Variants in ZNF385D observed in about 807,000 individuals in gnomAD.
ZNF385D encodes zinc finger protein 659.
ZNF385D carries 15 observed loss-of-function variants against 35.8 expected under a neutral mutation model. The observed-to-expected ratio is 0.42, with a 90% CI of 0.28 to 0.64. The LOEUF (loss-of-function observed/expected upper bound fraction) is 0.64. Ranked by LOEUF, ZNF385D falls within the 30% of genes least tolerant of loss-of-function variation. ZNF385D has a pLI of 0.23. For missense variants in ZNF385D, 474 were observed against 494.6 expected (o/e 0.96, Z 0.39); for synonymous variants, 212 against 186.8 (o/e 1.13, Z -1.10).
intron 3 of ZNF385D, among the ~76,000 whole-genome samples, chr3:21,919,282 G>A (rs1700340351): frequency 6.6e-6 from 1 of 152,150 alleles, no homozygotes; most frequent in Non-Finnish European, 1.5e-5. Context: ...TAAAATACAT[G>A]TTGCCTGGCA....
At chr3:22,260,897 A>G (rs1029618600) in intron 2 of ZNF385D, among the ~76,000 whole-genome samples, 4 of 152,052 alleles carry the variant, frequency 2.6e-5, no homozygotes, top group East Asian at 1.9e-4. Context: ...TAGTAGAACA[A>G]TAAGTTTAAT....
chr3:21,725,981 G>T (rs748363961), intron 1 of ZNF385D, among the ~76,000 whole-genome samples: 1 of 152,070 alleles, frequency 6.6e-6, no homozygotes, highest in Non-Finnish European at 1.5e-5. Flanking sequence ...TATCCACTAC[G>T]ATCAAGTCGG....
intron 2 of ZNF385D, among the ~76,000 whole-genome samples, chr3:21,582,882 A>G (rs1328030508): frequency 6.6e-6 from 1 of 151,966 alleles, no homozygotes; most frequent in Non-Finnish European, 1.5e-5. Context: ...GGTTCAAGCA[A>G]TTCTCCTGCC....
At chr3:22,282,095 T>C (rs956513433) in intron 2 of ZNF385D, among the ~76,000 whole-genome samples, 1 of 152,070 alleles carries the variant, frequency 6.6e-6, no homozygotes, top group Admixed American at 6.6e-5. Context: ...TTGTAATATA[T>C]CCCGTTTCAT....
At chr3:22,152,005 C>T (rs1299172452) in intron 3 of ZNF385D, among the ~76,000 whole-genome samples, 4 of 152,064 alleles carry the variant, frequency 2.6e-5, no homozygotes, top group African/African-American at 9.7e-5. Context: ...TCTCTCCTTC[C>T]ACCCTCCACC....
intron 2 of ZNF385D, among the ~76,000 whole-genome samples, chr3:22,370,621 G>C (rs1219751699): frequency 6.6e-6 from 1 of 152,182 alleles, no homozygotes; most frequent in Non-Finnish European, 1.5e-5. Context: ...AGGTTGTGTA[G>C]GGGTTAACAA....
At chr3:22,035,561 T>C (rs1327483762) in intron 3 of ZNF385D, among the ~76,000 whole-genome samples, 1 of 152,196 alleles carries the variant, frequency 6.6e-6, no homozygotes, top group East Asian at 1.9e-4. Flanking sequence ...TTCTGAGTGC[T>C]TGCTTAAGTA....
intron 1 of ZNF385D, among the ~76,000 whole-genome samples, chr3:21,680,407 ATAT>A (rs2066861832): frequency 6.6e-6 from 1 of 152,122 alleles, no homozygotes; most frequent in East Asian, 1.9e-4. Context: ...TAATAAAATA[ATAT>A]TATCTTTCCT....
At chr3:21,936,628 TAAGTG>T (rs905500750) in intron 3 of ZNF385D, among the ~76,000 whole-genome samples, 6 of 152,256 alleles carry the variant, frequency 3.9e-5, no homozygotes, top group South Asian at 4.1e-4. Context: ...AATGAAACTT[TAAGTG>T]AAGACATAAA....
intron 3 of ZNF385D, among the ~76,000 whole-genome samples, chr3:22,131,703 C>G (rs1703804046): frequency 6.6e-6 from 1 of 152,132 alleles, no homozygotes; most frequent in Admixed American, 6.6e-5. Context: ...CAGATCCAGG[C>G]AGCTAGGGAG....
At chr3:21,760,827 CTG>C (rs1386587500) in intron 3 of ZNF385D, among the ~76,000 whole-genome samples, 3 of 152,048 alleles carry the variant, frequency 2.0e-5, no homozygotes, top group Middle Eastern at 3.2e-3. Flanking sequence ...TTGGTCCTCT[CTG>C]TGAGTCATAT....
intron 3 of ZNF385D, among the ~76,000 whole-genome samples, chr3:22,088,639 C>A (rs1035696683): frequency 6.6e-6 from 1 of 152,082 alleles, no homozygotes; most frequent in Non-Finnish European, 1.5e-5. Flanking sequence ...TGTGCCAGAA[C>A]CTTGGATGGA....
chr3:21,753,766 G>GGTTGTT (rs35233792), upstream of ZNF385D, among the ~76,000 whole-genome samples: 2 of 147,938 alleles, frequency 1.4e-5, no homozygotes, highest in Admixed American at 6.9e-5. Context: ...CAACTTTGGT[G>GGTTGTT]GTTGTTGTTG....
intron 3 of ZNF385D, among the ~76,000 whole-genome samples, chr3:21,772,044 G>A (rs1466179404): frequency 6.6e-6 from 1 of 151,816 alleles, no homozygotes; most frequent in Non-Finnish European, 1.5e-5. Flanking sequence ...GAATGTAAAT[G>A]GACTGTTATC....
chr3:21,826,826 A>C (rs1694669966), intron 3 of ZNF385D, among the ~76,000 whole-genome samples: 1 of 151,890 alleles, frequency 6.6e-6, no homozygotes, highest in Admixed American at 6.6e-5. Flanking sequence ...AAAATTAAAA[A>C]AAAAAAAAAA....
Position 21,822,801 on chromosome 3 carries a change from T to C in ZNF385D, c.326-157773A>G, listed in dbSNP as rs79932772. ...ACATAAATAAATCTCGAAAACAATG[T>C]TGAGTGAAAAAAAAACAAGTGACAA... On this transcript the variant is annotated intron_variant, in intron 3 of 5. Transcript: ENST00000494108. Among the ~76,000 whole-genome samples the C allele has an allele frequency of 4.6e-3, 698 of 151,930 alleles. 11 individuals are homozygous for C. Among genetic ancestry groups the C allele is most frequent in the African/African-American group, 0.016 (649 of 41,424 alleles).
chr3:21,828,819 A>T lies in ZNF385D; in HGVS notation c.326-163791T>A, dbSNP rs539116278. Among the ~76,000 whole-genome samples the T allele has an allele frequency of 5.8e-4, 89 of 152,298 alleles. 1 individual carries two copies. The highest frequency in any genetic ancestry group is 2.1e-3 in the African/African-American group (86 of 41,556). ...GGTTTTTCTGTAGGCTTTAGCGGAC[A>T]ATTAATTTCTTTGCCTTTTACAGCA... is the stretch of plus-strand genomic sequence containing the variant. On this transcript the variant is annotated intron_variant, in intron 3 of 5. Transcript: ENST00000494108.
At chr3:22,353,528 C>T (rs1696011821) in intron 2 of ZNF385D, among the ~76,000 whole-genome samples, 1 of 152,140 alleles carries the variant, frequency 6.6e-6, no homozygotes, top group Non-Finnish European at 1.5e-5. Context: ...CCAGACCCTG[C>T]CATCACAACA....
In ZNF385D at chr3:21,412,750, A is replaced by G. The variant is rs1326361552; in HGVS notation, c.*8464T>C. The G allele has an allele frequency of 6.6e-6, 1 of 152,112 alleles. No homozygotes were observed. Among genetic ancestry groups the G allele is most frequent in the African/African-American group, 2.4e-5 (1 of 41,442 alleles). The allele number at this position is 152,112 out of a possible 1,614,324, so 9.4% of individuals were successfully genotyped here. ...TTTACTAAAACTGAAAATTCATCTT[A>G]AAGAATTCCTAATAAAAATAAATAT... On this transcript the variant is annotated 3_prime_UTR_variant, in exon 8 of 8. Coordinates refer to ENST00000281523, the MANE Select transcript of ZNF385D (RefSeq NM_024697.3).
Sources: gnomAD v4.1 joint callset for allele counts (sites outside exome capture counted in the v4.1 genomes callset) on GRCh38, gnomAD v4.1.1 for gene constraint, MANE v1.5 for transcripts, NCBI Gene and HGNC (gene_info 2026-07-23, HGNC 2026-07-21) for gene names.